Variants in TNS1 observed in about 807,000 individuals in gnomAD.
The protein encoded by TNS1 is tensin-1.
In TNS1, 62 loss-of-function variants were observed where a neutral mutation model predicts 168.6. The ratio of observed to expected loss-of-function variants is 0.37; its 90% CI spans 0.30 to 0.45. The LOEUF (loss-of-function observed/expected upper bound fraction) is 0.45, where lower values mean the gene tolerates loss of function less well. Ranked by LOEUF, TNS1 falls within the 20% of genes least tolerant of loss-of-function variation. The probability of loss-of-function intolerance (pLI) is 1.00; values close to 1 mark genes in which losing one functional copy is unlikely to be tolerated. For synonymous variants in TNS1, 934 were observed against 933.2 expected (o/e 1.00, Z -0.02); for missense variants, 2,240 against 2,339.4 (o/e 0.96, Z 0.88).
At chr2:217,859,475 G>C (rs1247567594) in intron 18 of TNS1, 8 of 631,928 alleles carry the variant, frequency 1.3e-5, no homozygotes, top group Non-Finnish European at 2.3e-5. Context: ...GTGAACACAG[G>C]ACCTGAATAG....
chr2:217,862,695 C>T (rs1414261016), intron 18 of TNS1, among the ~76,000 whole-genome samples: 1 of 149,112 alleles, frequency 6.7e-6, no homozygotes, highest in Non-Finnish European at 1.5e-5. Context: ...CACTGTCACA[C>T]ATGGTCAGTG....
rs1182855619 is a variant in TNS1 at position 217,893,457 on chromosome 2, G to A, written c.699C>T (p.Val233=). The change falls in exon 10 of 33, where the codon GTC becomes GTT. Residue 233 remains valine, a synonymous_variant. Transcript: ENST00000682258. The part of the protein sequence containing the change: ...DTWLNADPHN[V]VVLHNKGNRG... ...CTCTGACCTTGTTGTGTAGAACAAC[G>A]ACATTGTGAGGGTCTGCATTGAGCC... 21 of 1,607,492 alleles carry A rather than the reference G, an allele frequency of 1.3e-5. No individual in the cohort carries two copies. The highest frequency in any genetic ancestry group is 3.3e-5 in the South Asian group (3 of 90,614).
chr2:217,846,910 C>G (rs1946723462), intron 19 of TNS1, among the ~76,000 whole-genome samples: 1 of 152,238 alleles, frequency 6.6e-6, no homozygotes. Context: ...CTTGGCCTCC[C>G]CGCCCCAGCA....
chr2:217,984,767 T>TC (rs1415102633), intron 2 of TNS1, among the ~76,000 whole-genome samples: 113 of 143,140 alleles, frequency 7.9e-4, no homozygotes, highest in East Asian at 2.2e-3. Context: ...TTTTTTTTTT[T>TC]CCCCCCAAGA....
In TNS1 at chr2:217,817,728, G is replaced by A; in HGVS notation, c.4604C>T (p.Ser1535Phe). The change falls in exon 24 of 33, where the codon TCC becomes TTC. Residue 1535 changes from serine (S) to phenylalanine (F), a missense_variant. Physicochemically the swap from Ser to Phe is radical, Grantham distance 155 (BLOSUM62 -2). Transcript: ENST00000682258. The stretch of plus-strand genomic sequence containing the variant: ...CTTGGAGAAGTCGGGCAGAGTGTGG[G>A]AGAAGGAGACGGTGCTGCCCCCACT... ...SPSGGSTVSF[S>F]HTLPDFSKYS... 6.2e-7 allele frequency: 1 copy of A among 1,607,696 alleles called. No individual in the cohort carries two copies. Among genetic ancestry groups the A allele is most frequent in the African/African-American group, 1.3e-5 (1 of 74,946 alleles).
chr2:217,921,665 A>G (rs1371841821), intron 3 of TNS1, among the ~76,000 whole-genome samples: 1 of 152,254 alleles, frequency 6.6e-6, no homozygotes, highest in Middle Eastern at 3.4e-3. Context: ...AAGAGGCCCA[A>G]ATGGAGTCCT....
At chr2:217,869,724 CTG>C (rs1949608426) in intron 18 of TNS1, among the ~76,000 whole-genome samples, 1 of 152,232 alleles carries the variant, frequency 6.6e-6, no homozygotes, top group Non-Finnish European at 1.5e-5. Flanking sequence ...CTTTGAAAAA[CTG>C]AAAGCAAAAC....
At chr2:218,025,627 A>G (rs1958844357) in intron 1 of TNS1, among the ~76,000 whole-genome samples, 1 of 151,964 alleles carries the variant, frequency 6.6e-6, no homozygotes, top group Non-Finnish European at 1.5e-5. Flanking sequence ...TGCCATTGGC[A>G]GAGTGCAGTG....
At chr2:217,886,508 G>T in intron 13 of TNS1, 26 bp downstream of exon 13, 1 of 1,537,020 alleles carries the variant, frequency 6.5e-7, no homozygotes, top group Non-Finnish European at 8.9e-7. Context: ...GGCAAGGGTG[G>T]AGGTCAGAGG....
chr2:217,847,692 G>A lies in TNS1; in HGVS notation c.2825C>T (p.Ser942Phe), dbSNP rs774230307. ...QDFHSKSPAS[S>F]SLPAFLPTTH... ...GGTCGGAAGGAAGGCAGGCAAGGAG[G>A]AAGAGGCTGGGCTCTTTGAATGGAA... Residue 942 changes from serine to phenylalanine, a missense_variant, in exon 19 of 33, where the codon TCC (serine) becomes TTC (phenylalanine). Coordinates refer to ENST00000682258, the MANE Select transcript of TNS1 (RefSeq NM_001387777.1). 5 of 1,601,656 alleles carry A rather than the reference G, an allele frequency of 3.1e-6. No individual in the cohort carries two copies. Among genetic ancestry groups the A allele is most frequent in the Non-Finnish European group, 4.3e-6 (5 of 1,169,826 alleles).
chr2:217,837,569 T>C lies in TNS1; in HGVS notation c.3008-1358A>G, dbSNP rs1454008157. ...GGGCGCATCAGGAGAGCAGCAGGAC[T>C]GGCATTTGCACATTAAATGCAGAAG... On this transcript the variant is annotated intron_variant, in intron 19 of 32. Coordinates refer to ENST00000682258, the MANE Select transcript of TNS1 (RefSeq NM_001387777.1). 2.0e-5 allele frequency among the ~76,000 whole-genome samples: 3 copies of C among 152,258 alleles called. No homozygotes were observed. In the East Asian group the frequency reaches 5.8e-4, roughly 29 times the overall value.
intron 3 of TNS1, among the ~76,000 whole-genome samples, chr2:217,946,377 C>T (rs1957105784): frequency 6.6e-6 from 1 of 152,212 alleles, no homozygotes. Context: ...CCCCTTTCCT[C>T]ATTTGGTCAG....
At chr2:218,003,488 CTG>C (rs1157797689), upstream of TNS1, among the ~76,000 whole-genome samples, 1 of 152,108 alleles carries the variant, frequency 6.6e-6, no homozygotes, top group Non-Finnish European at 1.5e-5. Context: ...CACACACAGA[CTG>C]GGACAGACTC....
upstream of TNS1, among the ~76,000 whole-genome samples, chr2:218,011,992 G>A (rs1470983157): frequency 1.3e-5 from 2 of 152,176 alleles, no homozygotes; most frequent in Non-Finnish European, 2.9e-5. Flanking sequence ...CCACACTAAA[G>A]TGAGCCCATC....
intron 2 of TNS1, 78 bp downstream of exon 2, chr2:217,990,864 T>A (rs1467308422): frequency 2.1e-6 from 1 of 487,192 alleles, no homozygotes; most frequent in Non-Finnish European, 3.8e-6. Context: ...CACAGCAGAG[T>A]CCCAGCCTGG....
At position 217,877,208 on chromosome 2, in the gene TNS1, C is replaced by T. The variant is rs553146846; in HGVS notation, c.1429+3690G>A. On this transcript the variant is annotated intron_variant, in intron 18 of 32. Transcript: ENST00000682258. Reference sequence around the variant, plus strand: ...TGCTACACAGAGACACAGCTGGACCCGTCCCACCATAAACGGGCTTCCCTT... The same window carrying T: ...TGCTACACAGAGACACAGCTGGACCTGTCCCACCATAAACGGGCTTCCCTT... Among the ~76,000 whole-genome samples, 3 of 152,278 alleles carry T rather than the reference C, an allele frequency of 2.0e-5. No individual in the cohort carries two copies. In the South Asian group the frequency reaches 6.2e-4, roughly 32 times the overall value.
Position 217,810,305 on chromosome 2 carries a change from A to T in TNS1, c.5047T>A (p.Ser1683Thr). 6.2e-7 allele frequency: 1 copy of T among 1,614,174 alleles called. No homozygotes were observed. The highest frequency in any genetic ancestry group is 2.2e-5 in the East Asian group (1 of 44,888). ...VIPNRDPTDE[S>T]KDSSGPANST... is the part of the protein sequence containing the mutation. The stretch of plus-strand genomic sequence containing the variant: ...TTGGCAGGGCCGGAGCTATCTTTCG[A>T]TTCATCTGTGGGGTCTAAGACAAAA... The change falls in exon 29 of 33, where the codon TCG (serine) becomes ACG (threonine). Residue 1683 changes from serine to threonine, a missense_variant. Ser to Thr is a moderately conservative substitution (Grantham distance 58). This residue lies in a region of TNS1 where 2,131 missense variants were observed against 2,171.2 expected (regional missense o/e 0.98). Transcript: ENST00000682258.
intron 3 of TNS1, among the ~76,000 whole-genome samples, chr2:217,933,699 C>T (rs1301391462): frequency 6.6e-6 from 1 of 152,208 alleles, no homozygotes; most frequent in Non-Finnish European, 1.5e-5. Context: ...GTGCCCACTG[C>T]AGCCTTGGCA....
At chr2:218,013,740 A>AG (rs1253168260), upstream of TNS1, among the ~76,000 whole-genome samples, 2 of 152,040 alleles carry the variant, frequency 1.3e-5, no homozygotes, top group Non-Finnish European at 2.9e-5. Flanking sequence ...CAGACTGGCA[A>AG]GGGGGGCTAT....
Sources: allele counts gnomAD v4.1 joint callset (sites outside exome capture counted in the v4.1 genomes callset), GRCh38; gene constraint gnomAD v4.1.1; regional missense constraint gnomAD v4.1.1; transcripts MANE v1.5; gene names NCBI Gene and HGNC (gene_info 2026-07-23, HGNC 2026-07-21).